GPD2: variants seen among roughly 807,000 people sequenced by gnomAD.
The protein encoded by GPD2 is glycerol-3-phosphate dehydrogenase, mitochondrial.
In GPD2, 54 loss-of-function variants were observed where a neutral mutation model predicts 82.4. The observed-to-expected ratio is 0.66, with a 90% CI of 0.53 to 0.82. GPD2 has a LOEUF of 0.82. Among genes scored for constraint, GPD2 ranks in the 40% least tolerant of loss-of-function variants. The probability of loss-of-function intolerance (pLI) is 0.00; values close to 1 mark genes in which losing one functional copy is unlikely to be tolerated. For missense variants in GPD2, 748 were observed against 896.2 expected (o/e 0.83, Z 2.11); for synonymous variants, 288 against 306.1 (o/e 0.94, Z 0.62).
intron 6 of GPD2, among the ~76,000 whole-genome samples, chr2:156,515,622 A>G (rs887372472): frequency 1.3e-5 from 2 of 152,234 alleles, no homozygotes; most frequent in African/African-American, 4.8e-5. Context: ...ATTGATCTTT[A>G]TAGCCTGTTA....
the GPD2 span, among the ~76,000 whole-genome samples, chr2:156,425,171 A>G: frequency 6.6e-6 from 1 of 150,692 alleles, no homozygotes; most frequent in East Asian, 1.9e-4. Flanking sequence ...ATCCTGCCTC[A>G]CTGTAACCTC....
intron 3 of GPD2, among the ~76,000 whole-genome samples, chr2:156,503,812 C>T (rs1684682088): frequency 2.6e-5 from 4 of 151,992 alleles, no homozygotes. Flanking sequence ...ACTAGGAAAC[C>T]AGGAGGCCAT....
intron 1 of GPD2, among the ~76,000 whole-genome samples, chr2:156,471,761 A>G (rs558027693): frequency 1.3e-5 from 2 of 152,348 alleles, no homozygotes; most frequent in Admixed American, 6.5e-5. Flanking sequence ...CTATCAGACT[A>G]TAACACTCAG....
chr2:156,490,617 A>G (rs1187409993), intron 2 of GPD2, among the ~76,000 whole-genome samples: 2 of 152,128 alleles, frequency 1.3e-5, no homozygotes. Context: ...TTCTCAAATT[A>G]TGTGTGGTGT....
chr2:156,476,380 T>C (rs1683512256), intron 2 of GPD2, among the ~76,000 whole-genome samples, 173 bp downstream of exon 2: 1 of 152,262 alleles, frequency 6.6e-6, no homozygotes, highest in African/African-American at 2.4e-5. Flanking sequence ...GAGAACTGTG[T>C]GTATCTCCTT....
At chr2:156,575,435 C>G (rs908673601) in intron 13 of GPD2, among the ~76,000 whole-genome samples, 2 of 122,852 alleles carry the variant, frequency 1.6e-5, no homozygotes, top group African/African-American at 6.3e-5. Flanking sequence ...CAAGGTCTTG[C>G]TATGTTGCCC....
chr2:156,520,392 CTG>C (rs1573956654), intron 6 of GPD2, among the ~76,000 whole-genome samples: 1 of 152,132 alleles, frequency 6.6e-6, no homozygotes, highest in Non-Finnish European at 1.5e-5. Context: ...TTGAAGCCAA[CTG>C]TGACTATTCA....
At chr2:156,502,229 A>C (rs542444622) in intron 3 of GPD2, among the ~76,000 whole-genome samples, 96 of 152,192 alleles carry the variant, frequency 6.3e-4, no homozygotes, top group Non-Finnish European at 5.7e-4. Flanking sequence ...GGTATATGTA[A>C]ATTTTTTTTA....
Position 156,557,563 on chromosome 2 carries a change from C to A in GPD2, c.1146C>A (p.Tyr382Ter). ...INFILNEVRN[Y>*]LSCDVEVRRG... The stretch of plus-strand genomic sequence containing the variant: ...TCATTTTGAATGAAGTGCGTAATTA[C>A]CTGAGTTGTGATGTTGAAGGTAACT... Residue 382 changes from tyrosine to a stop codon, truncating the protein, a stop_gained, in exon 9 of 17, where the codon TAC becomes TAA. Transcript: ENST00000438166. LOFTEE classifies it high-confidence loss of function. 1 of 1,588,506 alleles carries A rather than the reference C, an allele frequency of 6.3e-7. No individual in the cohort carries two copies. Among genetic ancestry groups the A allele is most frequent in the Non-Finnish European group, 8.6e-7 (1 of 1,156,686 alleles).
At chr2:156,450,887 A>G (rs1203292742) in intron 1 of GPD2, among the ~76,000 whole-genome samples, 2 of 131,208 alleles carry the variant, frequency 1.5e-5, no homozygotes, top group African/African-American at 2.9e-5. Context: ...GCTGCCTTCA[A>G]GCATCTGTTT....
Position 156,501,311 on chromosome 2 carries a change from G to A in GPD2, c.274+5096G>A, listed in dbSNP as rs181207571. On this transcript the variant is annotated intron_variant, in intron 3 of 16. Transcript: ENST00000438166. ...GACTTTTATAAATGGTATTTGGCTA[G>A]CAATTCTTGAATTCCCACTATAATT... Among the ~76,000 whole-genome samples, 7 of 152,194 alleles carry A rather than the reference G, an allele frequency of 4.6e-5. No individual in the cohort carries two copies. In the East Asian group the frequency reaches 1.4e-3, roughly 29 times the overall value.
intron 2 of GPD2, among the ~76,000 whole-genome samples, chr2:156,482,168 G>T (rs1346813326): frequency 6.6e-6 from 1 of 152,182 alleles, no homozygotes; most frequent in Non-Finnish European, 1.5e-5. Flanking sequence ...TGCATTCACG[G>T]ATACTTTGTT....
chr2:156,441,982 T>C (rs1396815876), intron 1 of GPD2, among the ~76,000 whole-genome samples: 2 of 152,220 alleles, frequency 1.3e-5, no homozygotes, highest in Admixed American at 6.5e-5. Flanking sequence ...GAATTACTTA[T>C]GTACTGTATT....
intron 6 of GPD2, among the ~76,000 whole-genome samples, chr2:156,548,422 CT>C (rs1686630386): frequency 6.6e-6 from 1 of 152,094 alleles, no homozygotes; most frequent in African/African-American, 2.4e-5. Context: ...AACATAAGTT[CT>C]CCACTTGATA....
chr2:156,441,235 T>A (rs948705714), intron 1 of GPD2, among the ~76,000 whole-genome samples: 22 of 152,330 alleles, frequency 1.4e-4, no homozygotes, highest in East Asian at 5.8e-4. Context: ...GTGTCTTTTT[T>A]AATACCTTTT....
intron 6 of GPD2, among the ~76,000 whole-genome samples, chr2:156,518,363 G>T (rs907665870): frequency 3.3e-5 from 5 of 152,144 alleles, no homozygotes; most frequent in Non-Finnish European, 5.9e-5. Flanking sequence ...TAATGACAAT[G>T]AATTTCATGT....
chr2:156,512,160 C>T, intron 4 of GPD2, 60 bp from the exon 5 acceptor site: 1 of 842,920 alleles, frequency 1.2e-6, no homozygotes, highest in Non-Finnish European at 2.1e-6. Flanking sequence ...TGTCTATTTG[C>T]CATTTGAAAA....
upstream of GPD2, chr2:156,436,241 G>A (rs575156178): frequency 3.3e-5 from 5 of 152,488 alleles, no homozygotes; most frequent in Admixed American, 1.3e-4. Context: ...AGGTATCCGG[G>A]CAGGAGGTGG....
At chr2:156,464,847 A>G (rs1274011904) in intron 1 of GPD2, among the ~76,000 whole-genome samples, 1 of 151,398 alleles carries the variant, frequency 6.6e-6, no homozygotes, top group Non-Finnish European at 1.5e-5. Context: ...GAATTGGTAC[A>G]TTTTCTTTTC....
Sources: gnomAD v4.1 joint callset for allele counts (sites outside exome capture counted in the v4.1 genomes callset) on GRCh38, gnomAD v4.1.1 for gene constraint, MANE v1.5 for transcripts, NCBI Gene and HGNC (gene_info 2026-07-23, HGNC 2026-07-21) for gene names.